The following KCNN2 variants were observed in gnomAD, a reference collection of about 807,000 sequenced individuals.
KCNN2 encodes the protein small conductance calcium-activated potassium channel protein 2.
In KCNN2, 24 loss-of-function variants were observed where a neutral mutation model predicts 55.5. The ratio of observed to expected loss-of-function variants is 0.43; its 90% CI spans 0.31 to 0.61. KCNN2 has a LOEUF of 0.61. Among genes scored for constraint, KCNN2 ranks in the 20% least tolerant of loss-of-function variants. The pLI, the probability that KCNN2 is intolerant of heterozygous loss-of-function variation, is 0.08. For missense variants in KCNN2, 754 were observed against 853.6 expected (o/e 0.88, Z 1.45); for synonymous variants, 431 against 336.1 (o/e 1.28, Z -3.09).
At chr5:114,084,393 T>C (rs1750968110) in intron 1 of KCNN2, among the ~76,000 whole-genome samples, 1 of 152,114 alleles carries the variant, frequency 6.6e-6, no homozygotes, top group African/African-American at 2.4e-5. Flanking sequence ...GGTATTTCAC[T>C]GTTGCTTTAA....
At chr5:114,475,013 A>C (rs1021900135) in intron 5 of KCNN2, among the ~76,000 whole-genome samples, 2 of 152,178 alleles carry the variant, frequency 1.3e-5, no homozygotes, top group Non-Finnish European at 2.9e-5. Context: ...TAGTTTCTCT[A>C]AATATTACTT....
chr5:114,235,262 T>C (rs1379849677), intron 2 of KCNN2, among the ~76,000 whole-genome samples: 1 of 152,224 alleles, frequency 6.6e-6, no homozygotes, highest in Non-Finnish European at 1.5e-5. Context: ...TGTCCTTTGC[T>C]TCATTATTGC....
rs560890581 is a variant in KCNN2, at chr5:114,479,486, A to G, written c.1890+6322A>G. Among the ~76,000 whole-genome samples, 14 of 152,320 alleles carry G rather than the reference A, an allele frequency of 9.2e-5. No homozygotes were observed. In the East Asian group the frequency reaches 2.7e-3, roughly 29 times the overall value. The stretch of plus-strand genomic sequence containing the variant: ...GAGACTTTAATACCTCACTGTCAGT[A>G]TTAGATAATTGAGACAGAAAATTGT... On this transcript the variant is annotated intron_variant, in intron 5 of 7. Transcript: ENST00000673685.
intron 2 of KCNN2, among the ~76,000 whole-genome samples, chr5:114,273,698 T>G (rs1755421528): frequency 1.3e-5 from 2 of 152,214 alleles, no homozygotes; most frequent in Non-Finnish European, 1.5e-5. Context: ...TGGATGGGGT[T>G]GTTTTTTTCT....
At chr5:114,450,385 G>A (rs141887612) in intron 3 of KCNN2, among the ~76,000 whole-genome samples, 3 of 152,310 alleles carry the variant, frequency 2.0e-5, no homozygotes, top group East Asian at 1.9e-4. Context: ...TGCCTGGCAC[G>A]CAGCAGGAGC....
At chr5:114,292,959 A>G (rs1466400280) in intron 2 of KCNN2, among the ~76,000 whole-genome samples, 1 of 152,216 alleles carries the variant, frequency 6.6e-6, no homozygotes, top group South Asian at 2.1e-4. Flanking sequence ...AGCAATTGTG[A>G]ATGGGAGTTT....
At chr5:114,201,899 C>T (rs186740271) in intron 1 of KCNN2, among the ~76,000 whole-genome samples, 1 of 151,420 alleles carries the variant, frequency 6.6e-6, no homozygotes, top group East Asian at 2.0e-4. Context: ...GGTCAAGGCA[C>T]CACTCAGCAT....
intron 1 of KCNN2, among the ~76,000 whole-genome samples, chr5:114,167,902 A>G (rs1327726119): frequency 6.6e-6 from 1 of 152,114 alleles, no homozygotes; most frequent in Non-Finnish European, 1.5e-5. Flanking sequence ...AGAAGTTTAT[A>G]TAAAGGGTAT....
At chr5:114,402,312 G>A (rs565794224) in intron 2 of KCNN2, among the ~76,000 whole-genome samples, 1 of 152,312 alleles carries the variant, frequency 6.6e-6, no homozygotes, top group East Asian at 1.9e-4. Flanking sequence ...GTCTTGGTAG[G>A]TTAATGGGAG....
At chr5:114,405,734 G>A (rs188012751) in intron 3 of KCNN2, among the ~76,000 whole-genome samples, 5 of 150,608 alleles carry the variant, frequency 3.3e-5, no homozygotes, top group South Asian at 2.1e-4. Flanking sequence ...TTTTTGAGAC[G>A]GAGTCTCGCT....
intron 1 of KCNN2, among the ~76,000 whole-genome samples, chr5:114,152,174 T>C (rs1302633586): frequency 6.6e-6 from 1 of 152,166 alleles, no homozygotes; most frequent in Non-Finnish European, 1.5e-5. Context: ...TTTTGCTACA[T>C]TAATTTAGAT....
intron 2 of KCNN2, among the ~76,000 whole-genome samples, chr5:114,400,391 A>G (rs527523686): frequency 1.3e-5 from 2 of 152,326 alleles, no homozygotes; most frequent in South Asian, 2.1e-4. Flanking sequence ...ACAACAACCA[A>G]TCAAATGCAG....
At chr5:114,420,018 A>C (rs1049217284) in intron 3 of KCNN2, among the ~76,000 whole-genome samples, 1 of 152,258 alleles carries the variant, frequency 6.6e-6, no homozygotes, top group Admixed American at 6.5e-5. Context: ...TACCTTCTCC[A>C]TTCATCTACA....
chr5:114,310,576 G>T lies in KCNN2; in HGVS notation c.-184-50369G>T, dbSNP rs535225675. ...GGATCCCCACTGAAGTACTCCAAAG[G>T]TTAATTTTTTTTCAAATGACCATTT... is the stretch of plus-strand genomic sequence containing the variant. On this transcript the variant is annotated intron_variant, in intron 2 of 10. Transcript: ENST00000512097. 3.3e-5 allele frequency among the ~76,000 whole-genome samples: 5 copies of T among 152,178 alleles called. No homozygotes were observed. In the East Asian group the frequency reaches 9.7e-4, roughly 29 times the overall value.
Position 114,287,037 on chromosome 5 carries a change from C to T in KCNN2, c.-185+65472C>T, listed in dbSNP as rs1346738940. The stretch of plus-strand genomic sequence containing the variant: ...CTAGAATTATACAGTAACTGATGCT[C>T]CTACAGTTAGTAAGCTCAGAATCGT... On this transcript the variant is annotated intron_variant, in intron 2 of 10. Transcript: ENST00000512097. Among the ~76,000 whole-genome samples the T allele has an allele frequency of 5.3e-5, 8 of 152,154 alleles. No homozygotes were observed. The East Asian group carries it at 1.5e-3, about 29-fold the overall frequency.
intron 2 of KCNN2, among the ~76,000 whole-genome samples, chr5:114,298,822 T>C (rs1473796468): frequency 6.6e-6 from 1 of 152,186 alleles, no homozygotes; most frequent in Non-Finnish European, 1.5e-5. Context: ...TTCTACATCA[T>C]GTGTGATCGC....
chr5:114,078,255 C>T (rs569154382), intron 1 of KCNN2, among the ~76,000 whole-genome samples: 1 of 152,232 alleles, frequency 6.6e-6, no homozygotes, highest in Admixed American at 6.5e-5. Context: ...TGATTTAAGG[C>T]AAATTAGAAT....
chr5:114,379,663 T>A, intron 2 of KCNN2, among the ~76,000 whole-genome samples: 1 of 93,002 alleles, frequency 1.1e-5, no homozygotes, highest in South Asian at 2.9e-4. Context: ...AACATATATA[T>A]TTATAGAATA....
chr5:114,410,690 A>G (rs1028418295), intron 3 of KCNN2, among the ~76,000 whole-genome samples: 1 of 152,036 alleles, frequency 6.6e-6, no homozygotes, highest in Non-Finnish European at 1.5e-5. Flanking sequence ...AGAGAGAGCA[A>G]AGGTGAGTTA....
Sources: gnomAD v4.1 joint callset for allele counts (sites outside exome capture counted in the v4.1 genomes callset) on GRCh38, gnomAD v4.1.1 for gene constraint, MANE v1.5 for transcripts, NCBI Gene and HGNC (gene_info 2026-07-23, HGNC 2026-07-21) for gene names.